Variants in SLC9B2 observed in about 807,000 individuals in gnomAD.
SLC9B2 encodes the protein sodium/hydrogen exchanger 9B2.
Under a neutral mutation model 52.2 loss-of-function variants are expected in SLC9B2, and 39 were observed. The ratio of observed to expected loss-of-function variants is 0.75; its 90% CI spans 0.58 to 0.98. The LOEUF (loss-of-function observed/expected upper bound fraction) is 0.98, where lower values mean the gene tolerates loss of function less well. SLC9B2 is among the 50% of genes least tolerant of loss of function. The pLI, the probability that SLC9B2 is intolerant of heterozygous loss-of-function variation, is 0.00. For synonymous variants in SLC9B2, 214 were observed against 227.0 expected (o/e 0.94, Z 0.51); for missense variants, 626 against 637.5 (o/e 0.98, Z 0.19).
rs756712728 is a variant in SLC9B2 at position 103,047,217 on chromosome 4, TAAAAC to T, written c.718_722del (p.Val240ArgfsTer23). The T allele has an allele frequency of 6.2e-7, 1 of 1,612,028 alleles. No homozygotes were observed. Among genetic ancestry groups the T allele is most frequent in the Middle Eastern group, 1.7e-4 (1 of 6,050 alleles). The stretch of plus-strand genomic sequence containing the variant: ...CCACAACAGCTGGAGATACAGCACC[TAAAAC>T]AAAACTAGGCAGACAGCATTTTAAA... On this transcript the variant is annotated frameshift_variant, in exon 7 of 12. Coordinates refer to ENST00000394785, the MANE Select transcript of SLC9B2 (RefSeq NM_178833.7).
chr4:103,047,069 C>G lies in SLC9B2; in HGVS notation c.871G>C (p.Gly291Arg). 2 of 1,613,886 alleles carry G rather than the reference C, an allele frequency of 1.2e-6. No homozygotes were observed. Among genetic ancestry groups the G allele is most frequent in the Non-Finnish European group, 1.7e-6 (2 of 1,179,864 alleles). Residue 291 changes from glycine to arginine, a missense_variant, in exon 7 of 12, where the codon GGC (glycine) becomes CGC (arginine). Coordinates refer to ENST00000394785, the MANE Select transcript of SLC9B2 (RefSeq NM_178833.7). ...LAITGFNTCL[G>R]IAFSTGSTVF... The stretch of plus-strand genomic sequence containing the variant: ...AGGTTACCTGTGGAAAAGGCTATGC[C>G]CAAGCATGTGTTGAAGCCAGTGATG...
In SLC9B2 at chr4:103,026,031, A is replaced by T. The variant is rs558158466; in HGVS notation, c.*339T>A. ...CAAATATGAATCAGGAAACTGTGAA[A>T]GTTAAAAGTTAGGGCAATCCTAGCT... On this transcript the variant is annotated 3_prime_UTR_variant, in exon 12 of 12. Coordinates refer to ENST00000394785, the MANE Select transcript of SLC9B2 (RefSeq NM_178833.7). 30 of 174,312 alleles carry T rather than the reference A, an allele frequency of 1.7e-4. No individual in the cohort carries two copies. The highest frequency in any genetic ancestry group is 6.2e-5 in the Admixed American group (1 of 16,072). The allele number at this position is 174,312 out of a possible 1,614,324, so 10.8% of individuals were successfully genotyped here. A position where few individuals can be genotyped will look rare whatever the true frequency, so the allele number is the denominator to read the frequency against.
At chr4:103,041,538 G>T (rs1327500659) in intron 9 of SLC9B2, among the ~76,000 whole-genome samples, 1 of 152,076 alleles carries the variant, frequency 6.6e-6, no homozygotes, top group Non-Finnish European at 1.5e-5. Flanking sequence ...CTTGCAGGAG[G>T]TATCAGTCTC....
intron 1 of SLC9B2, among the ~76,000 whole-genome samples, chr4:103,071,492 C>T (rs983370166): frequency 6.6e-6 from 1 of 151,382 alleles, no homozygotes; most frequent in Non-Finnish European, 1.5e-5. Flanking sequence ...TCAAGTGATT[C>T]TCCTGCCTCA....
downstream of SLC9B2, among the ~76,000 whole-genome samples, chr4:103,021,396 CATA>C (rs1741781443): frequency 6.6e-6 from 1 of 151,856 alleles, no homozygotes; most frequent in Non-Finnish European, 1.5e-5. Flanking sequence ...CAGAGAGGTA[CATA>C]AATGATTCAT....
intron 4 of SLC9B2, among the ~76,000 whole-genome samples, chr4:103,053,954 C>T (rs1578465884): frequency 6.6e-6 from 1 of 152,090 alleles, no homozygotes; most frequent in South Asian, 2.1e-4. Flanking sequence ...CTGCCCGCCT[C>T]GGCCTCCCAA....
At chr4:103,069,267 C>T (rs1578483999) in intron 1 of SLC9B2, among the ~76,000 whole-genome samples, 1 of 152,076 alleles carries the variant, frequency 6.6e-6, no homozygotes, top group Non-Finnish European at 1.5e-5. Context: ...TGGCAGGAGG[C>T]TGAGAGTAAT....
At chr4:103,031,078 T>A (rs1182497351) in intron 10 of SLC9B2, among the ~76,000 whole-genome samples, 1 of 152,014 alleles carries the variant, frequency 6.6e-6, no homozygotes, top group East Asian at 1.9e-4. Flanking sequence ...ACATGGATAT[T>A]TAAGATGTAT....
chr4:103,060,432 T>G (rs1404622610), intron 3 of SLC9B2, among the ~76,000 whole-genome samples: 1 of 151,978 alleles, frequency 6.6e-6, no homozygotes, highest in Non-Finnish European at 1.5e-5. Flanking sequence ...TACTCATGTT[T>G]TCTAATTCTT....
rs1263497242 is a variant in SLC9B2, at chr4:103,062,430, AAG to A, written c.271+3895_271+3896del. On this transcript the variant is annotated intron_variant, in intron 3 of 11. Coordinates refer to ENST00000394785, the MANE Select transcript of SLC9B2 (RefSeq NM_178833.7). ...TGAGACTCCATCTCAAAAAAAAAAA[AAG>A]AGAGATTTTTCTACTTCAAGACTAT... is the stretch of plus-strand genomic sequence containing the variant. 1.2e-4 allele frequency among the ~76,000 whole-genome samples: 18 copies of A among 151,190 alleles called. 1 individual carries two copies. The highest frequency in any genetic ancestry group is 1.3e-4 in the Admixed American group (2 of 15,194).
At position 103,061,425 on chromosome 4, in the gene SLC9B2, C is replaced by T. The variant is rs148427446; in HGVS notation, c.272-3454G>A. On this transcript the variant is annotated intron_variant, in intron 3 of 11. Transcript: ENST00000394785. ...ATTGCAAGGACAAAAAACCAAACAC[C>T]GCATATTCTCACTCATAGGTGGGAA... Among the ~76,000 whole-genome samples, 1,218 of 152,086 alleles carry T rather than the reference C, an allele frequency of 8.0e-3. 18 individuals are homozygous for T. The highest frequency in any genetic ancestry group is 0.028 in the African/African-American group (1,145 of 41,462).
At chr4:103,050,148 T>A (rs1051775492) in intron 5 of SLC9B2, 92 bp downstream of exon 5, 2 of 1,137,402 alleles carry the variant, frequency 1.8e-6, no homozygotes, top group African/African-American at 1.6e-5. Flanking sequence ...AGTGTCCACA[T>A]CCATTTCCTA....
At chr4:103,036,813 A>C (rs1743223143) in intron 9 of SLC9B2, among the ~76,000 whole-genome samples, 1 of 152,220 alleles carries the variant, frequency 6.6e-6, no homozygotes, top group Non-Finnish European at 1.5e-5. Context: ...ATACTGTCTA[A>C]GAATTTACAT....
At chr4:103,040,722 T>C (rs189320818) in intron 9 of SLC9B2, among the ~76,000 whole-genome samples, 1 of 152,354 alleles carries the variant, frequency 6.6e-6, no homozygotes, top group Non-Finnish European at 1.5e-5. Context: ...TGAAAAACTG[T>C]TCAATTTCAC....
intron 9 of SLC9B2, among the ~76,000 whole-genome samples, chr4:103,037,309 G>A (rs985091624): frequency 5.9e-5 from 9 of 152,294 alleles, no homozygotes; most frequent in South Asian, 2.1e-4. Flanking sequence ...AGAAATATGC[G>A]TTAGGAACTT....
At chr4:103,056,130 G>A (rs561283820) in intron 4 of SLC9B2, among the ~76,000 whole-genome samples, 15 of 152,178 alleles carry the variant, frequency 9.9e-5, no homozygotes, top group Non-Finnish European at 1.9e-4. Flanking sequence ...TTGAAGAAAC[G>A]TTAAAGGTAT....
chr4:103,062,869 T>C (rs569591619), intron 3 of SLC9B2, among the ~76,000 whole-genome samples: 273 of 152,276 alleles, frequency 1.8e-3, no homozygotes, highest in African/African-American at 6.2e-3. Context: ...CTTGGCCTCC[T>C]AAAGTGCTGG....
chr4:103,031,738 G>A lies in SLC9B2; in HGVS notation c.1217C>T (p.Ala406Val). The change falls in exon 10 of 12, where the codon GCA becomes GTA. Residue 406 changes from alanine to valine, a missense_variant. Coordinates refer to ENST00000394785, the MANE Select transcript of SLC9B2 (RefSeq NM_178833.7). ...FQPLLFGLIG[A>V]EVSIASLRPE... ...TCTGAGAGATGCAATAGATACCTCT[G>A]CTCCAATTAGTCCAAAAAGAAGGGG... is the stretch of plus-strand genomic sequence containing the variant. 4 of 1,612,778 alleles carry A rather than the reference G, an allele frequency of 2.5e-6. No individual in the cohort carries two copies. Among genetic ancestry groups the A allele is most frequent in the Non-Finnish European group, 3.4e-6 (4 of 1,179,184 alleles).
chr4:103,065,088 A>C (rs1745994095), intron 3 of SLC9B2, among the ~76,000 whole-genome samples: 1 of 151,830 alleles, frequency 6.6e-6, no homozygotes, highest in Non-Finnish European at 1.5e-5. Context: ...GGGGAGGTGA[A>C]AGTGGCAGGA....
Sources: allele counts gnomAD v4.1 joint callset (sites outside exome capture counted in the v4.1 genomes callset), GRCh38; gene constraint gnomAD v4.1.1; transcripts MANE v1.5; gene names NCBI Gene and HGNC (gene_info 2026-07-23, HGNC 2026-07-21).